Variants in HOXB3 observed in about 807,000 individuals in gnomAD.
HOXB3 encodes homeobox protein Hox-B3.
Under a neutral mutation model 29.2 loss-of-function variants are expected in HOXB3, and 17 were observed. The observed-to-expected ratio is 0.58, with a 90% CI of 0.40 to 0.87. The LOEUF is 0.87. Ranked by LOEUF, HOXB3 falls within the 40% of genes least tolerant of loss-of-function variation. HOXB3 has a pLI of 0.00. For missense variants in HOXB3, 637 were observed against 616.3 expected (o/e 1.03, Z -0.35); for synonymous variants, 317 against 285.9 (o/e 1.11, Z -1.10).
At chr17:48,555,695 C>G in intron 2 of HOXB3, 77 bp from the exon 3 acceptor site, 1 of 674,254 alleles carries the variant, frequency 1.5e-6, no homozygotes. Flanking sequence ...CCCGCAAAGC[C>G]ACCCCGGCTG....
chr17:48,550,648 C>A lies in HOXB3; in HGVS notation c.982G>T (p.Glu328Ter). The change falls in exon 5 of 5, where the codon GAG becomes TAG. Residue 328 changes from glutamate to a stop codon, truncating the protein, a stop_gained. Coordinates refer to ENST00000498678, the MANE Select transcript of HOXB3 (RefSeq NM_001384749.1). LOFTEE classifies it high-confidence loss of function. ...GCTTGGAGGACGTGCGGCTCATACT[C>A]GGGCGCCGGGGTCGGAGGGTACTTC... Reference protein sequence around the residue: ...PQKYPPTPAPEYEPHVLQANG... With the variant: ...PQKYPPTPAP 1 of 1,524,968 alleles carries A rather than the reference C, an allele frequency of 6.6e-7. No individual in the cohort carries two copies. 94.5% of individuals were successfully genotyped at this position (1,524,968 alleles called of 1,614,324 possible).
intron 2 of HOXB3, among the ~76,000 whole-genome samples, chr17:48,562,501 C>G (rs980763840): frequency 6.6e-6 from 1 of 152,196 alleles, no homozygotes; most frequent in Admixed American, 6.5e-5. Flanking sequence ...GGCTCCAGGT[C>G]TCTGCTCTCT....
intron 2 of HOXB3, among the ~76,000 whole-genome samples, chr17:48,570,087 A>T (rs748625658): frequency 1.2e-4 from 19 of 152,132 alleles, no homozygotes; most frequent in Non-Finnish European, 2.1e-4. Context: ...AAGAAAAGAA[A>T]AGCTTTGAAG....
In HOXB3 at chr17:48,550,377, G is replaced by A. The variant is rs1407691330; in HGVS notation, c.1253C>T (p.Pro418Leu). The A allele has an allele frequency of 6.2e-7, 1 of 1,614,130 alleles. No homozygotes were observed. Among genetic ancestry groups the A allele is most frequent in the South Asian group, 1.1e-5 (1 of 91,068 alleles). ...GGGCGCTTCTTGGATTCTACCCTGA[G>A]GAGGAGGCGCGTGGTGAGAGGAGAG... is the stretch of plus-strand genomic sequence containing the variant. ...TDLSSHHAPP[P>L]QGRIQEAPKL... The change falls in exon 5 of 5, where the codon CCT becomes CTT. Residue 418 changes from proline (P) to leucine (L), a missense_variant. Transcript: ENST00000498678.
At position 48,554,981 on chromosome 17, in the gene HOXB3, T is replaced by TCC. The variant is rs2068905659; in HGVS notation, c.-159+548_-159+549dup. The stretch of plus-strand genomic sequence containing the variant: ...GCCTCCATGTTGGAAAAATTCAGGT[T>TCC]CCATATGGCTCCTCGGGAGGGAGGG... On this transcript the variant is annotated intron_variant, in intron 3 of 4. Coordinates refer to ENST00000498678, the MANE Select transcript of HOXB3 (RefSeq NM_001384749.1). This position sits in a 1 kb window ranked among gnomAD's most constrained non-coding sequence, Gnocchi z 4.1. 1 of 483,632 alleles carries TCC rather than the reference T, an allele frequency of 2.1e-6. No individual in the cohort carries two copies. Among genetic ancestry groups the TCC allele is most frequent in the African/African-American group, 2.0e-5 (1 of 50,294 alleles). 30.0% of individuals were successfully genotyped at this position (483,632 alleles called of 1,614,324 possible).
At chr17:48,567,201 G>T (rs2069417655) in intron 2 of HOXB3, among the ~76,000 whole-genome samples, 1 of 152,198 alleles carries the variant, frequency 6.6e-6, no homozygotes, top group Non-Finnish European at 1.5e-5. Context: ...ACATGGATGA[G>T]ACTCAGTGTT....
Position 48,564,712 on chromosome 17 carries a change from A to G in HOXB3, c.-246-9094T>C, listed in dbSNP as rs1235897916. Reference sequence around the variant, plus strand: ...AGGCGGGCACACCGGCGACTCTTCAATGTCACCAGCGAAATGGGTTCCATA... The same window carrying G: ...AGGCGGGCACACCGGCGACTCTTCAGTGTCACCAGCGAAATGGGTTCCATA... On this transcript the variant is annotated intron_variant, in intron 2 of 4. Transcript: ENST00000498678. Among the ~76,000 whole-genome samples, 8 of 152,198 alleles carry G rather than the reference A, an allele frequency of 5.3e-5. No individual in the cohort carries two copies. The South Asian group carries it at 6.2e-4, about 12-fold the overall frequency.
chr17:48,564,864 C>T (rs896204884), intron 2 of HOXB3, among the ~76,000 whole-genome samples: 1 of 152,128 alleles, frequency 6.6e-6, no homozygotes, highest in African/African-American at 2.4e-5. Context: ...ATCAGACGGG[C>T]GAGAAAGATT....
rs1248664895 is a variant in HOXB3 at position 48,589,564 on chromosome 17, C to T, written c.-425+561G>A. Among the ~76,000 whole-genome samples the T allele has an allele frequency of 2.6e-5, 4 of 152,280 alleles. No individual in the cohort carries two copies. In the East Asian group the frequency reaches 7.7e-4, roughly 29 times the overall value. On this transcript the variant is annotated intron_variant, in intron 1 of 4. Coordinates refer to ENST00000498678, the MANE Select transcript of HOXB3 (RefSeq NM_001384749.1). ...GAAGCCTGATGAAGCCAAAGATAAC[C>T]GGAGGGACCTCTTTTTATGGGCTTC...
chr17:48,578,098 C>T, intron 1 of HOXB3: 2 of 763,980 alleles, frequency 2.6e-6, no homozygotes, highest in Non-Finnish European at 3.5e-6. Flanking sequence ...GCGGAGGCGG[C>T]GGGGGCCCAG....
intron 1 of HOXB3, chr17:48,580,414 T>C (rs1045449298): frequency 2.0e-5 from 3 of 151,456 alleles, no homozygotes; most frequent in African/African-American, 7.3e-5. Context: ...TATCTAGATA[T>C]TTTCCAAAGC....
Position 48,554,692 on chromosome 17 carries a change from C to T in HOXB3, c.-159+839G>A. 2.8e-6 allele frequency: 2 copies of T among 702,338 alleles called. No homozygotes were observed. The highest frequency in any genetic ancestry group is 2.6e-6 in the Non-Finnish European group (1 of 384,800). The allele number at this position is 702,338 out of a possible 1,614,324, so 43.5% of individuals were successfully genotyped here. Reference sequence around the variant, plus strand: ...AGGACACCAAAACGGTTATCGGAGGCAGGTTCCCAGCACACCAGCCGGCCG... The same window carrying T: ...AGGACACCAAAACGGTTATCGGAGGTAGGTTCCCAGCACACCAGCCGGCCG... On this transcript the variant is annotated intron_variant, in intron 3 of 4. Transcript: ENST00000498678. This position sits in a 1 kb window ranked among gnomAD's most constrained non-coding sequence, Gnocchi z 4.1.
chr17:48,550,301 C>G lies in HOXB3; in HGVS notation c.*33G>C. 19 of 1,612,838 alleles carry G rather than the reference C, an allele frequency of 1.2e-5. No homozygotes were observed. The highest frequency in any genetic ancestry group is 1.6e-5 in the Non-Finnish European group (19 of 1,179,810). On this transcript the variant is annotated 3_prime_UTR_variant, in exon 5 of 5. Transcript: ENST00000498678. ...AGAGCTCCACAGTCTCTCTCTTCCT[C>G]CCCATCCCCTAATCCTCGTTCGCCC...
intron 1 of HOXB3, chr17:48,576,737 G>A (rs1360220826): frequency 3.1e-6 from 5 of 1,609,176 alleles, no homozygotes; most frequent in Admixed American, 3.3e-5. Context: ...GCGCGCGGGG[G>A]CCTCCATTGG....
intron 1 of HOXB3, among the ~76,000 whole-genome samples, chr17:48,583,451 C>T (rs2069989123): frequency 6.6e-6 from 1 of 152,214 alleles, no homozygotes; most frequent in Non-Finnish European, 1.5e-5. Context: ...CTACAACACA[C>T]TTCTCCCTTT....
At chr17:48,586,136 G>A (rs1371634861) in intron 1 of HOXB3, among the ~76,000 whole-genome samples, 1 of 152,262 alleles carries the variant, frequency 6.6e-6, no homozygotes, top group Non-Finnish European at 1.5e-5. Flanking sequence ...GGAGAAGCTA[G>A]AGGATACTGC....
Sources: allele counts gnomAD v4.1 joint callset (sites outside exome capture counted in the v4.1 genomes callset), GRCh38; gene constraint gnomAD v4.1.1; non-coding constraint Gnocchi (gnomAD v3.1); transcripts MANE v1.5; gene names NCBI Gene and HGNC (gene_info 2026-07-23, HGNC 2026-07-21).